Variants in TMX4 observed in about 807,000 individuals in gnomAD.
TMX4 encodes thioredoxin related transmembrane protein 4.
TMX4 carries 23 observed loss-of-function variants against 33.3 expected under a neutral mutation model. That is an observed-to-expected ratio of 0.69 (90% CI 0.50 to 0.98). TMX4 has a LOEUF of 0.98. Ranked by LOEUF, TMX4 falls within the 50% of genes least tolerant of loss-of-function variation. The probability of loss-of-function intolerance (pLI) is 0.00; values close to 1 mark genes in which losing one functional copy is unlikely to be tolerated. For synonymous variants in TMX4, 164 were observed against 161.5 expected, an observed-to-expected ratio of 1.02 and a Z score of -0.12; for missense variants, 399 against 448.9, an observed-to-expected ratio of 0.89 and a Z score of 1.01.
At chr20:7,990,489 G>A (rs1360531520) in intron 5 of TMX4, among the ~76,000 whole-genome samples, 1 of 152,180 alleles carries the variant, frequency 6.6e-6, no homozygotes, top group East Asian at 1.9e-4. Context: ...TCAGTGGTCA[G>A]ACAGACTTAA....
In TMX4 at chr20:8,012,985, T is replaced by C. The variant is rs116880619; in HGVS notation, c.177-2670A>G. ...AGTCTTTAGCATGGGAACTGGTCCA[T>C]TGTTGCTGCAGTTTTTAAAGTTTTT... On this transcript the variant is annotated intron_variant, in intron 1 of 7. Coordinates refer to ENST00000246024, the MANE Select transcript of TMX4 (RefSeq NM_021156.4). Among the ~76,000 whole-genome samples the C allele has an allele frequency of 9.3e-3, 1,421 of 152,300 alleles. 45 individuals carry two copies. Among genetic ancestry groups the C allele is most frequent in the East Asian group, 0.065 (335 of 5,186 alleles).
intron 6 of TMX4, among the ~76,000 whole-genome samples, chr20:7,985,125 A>G (rs907507818): frequency 6.6e-6 from 1 of 152,168 alleles, no homozygotes; most frequent in Non-Finnish European, 1.5e-5. Context: ...CTCACAAAAC[A>G]GAAGTTGAAA....
intron 5 of TMX4, among the ~76,000 whole-genome samples, chr20:7,991,307 A>C (rs116375090): frequency 0.011 from 1,639 of 152,362 alleles, 19 homozygotes; most frequent in Middle Eastern, 0.027. Flanking sequence ...CAGAGATTCA[A>C]CAAATCCAAT....
chr20:8,019,110 AC>A, intron 1 of TMX4: 1 of 477,514 alleles, frequency 2.1e-6, no homozygotes. Context: ...TGCCCACTCC[AC>A]CCCGAAAACA....
At chr20:8,000,123 A>AAAGCCAAG (rs1204285759) in intron 3 of TMX4, among the ~76,000 whole-genome samples, 1 of 152,190 alleles carries the variant, frequency 6.6e-6, no homozygotes, top group Non-Finnish European at 1.5e-5. Flanking sequence ...AGTGTTTAAT[A>AAAGCCAAG]TGCCAAGTTA....
Position 7,993,651 on chromosome 20 carries a change from C to T in TMX4, c.513+2375G>A, listed in dbSNP as rs141090770. Among the ~76,000 whole-genome samples the T allele has an allele frequency of 9.1e-3, 1,382 of 152,170 alleles. 18 individuals are homozygous for T. The highest frequency in any genetic ancestry group is 0.031 in the African/African-American group (1,302 of 41,518). ...TCTAGAAACACAGGTGGCAAGAGAC[C>T]TACCTACAGATCTGATGAAAGGATG... On this transcript the variant is annotated intron_variant, in intron 5 of 7. Transcript: ENST00000246024.
At chr20:8,000,809 A>C (rs889839417) in intron 3 of TMX4, among the ~76,000 whole-genome samples, 4 of 152,136 alleles carry the variant, frequency 2.6e-5, no homozygotes, top group Non-Finnish European at 5.9e-5. Context: ...AGACTTCTCC[A>C]TTTGGAACTG....
chr20:7,983,362 T>C (rs529610781), intron 7 of TMX4, among the ~76,000 whole-genome samples: 2 of 152,290 alleles, frequency 1.3e-5, no homozygotes, highest in South Asian at 2.1e-4. Context: ...GTCTCAAAAA[T>C]AGTCTGGAAT....
chr20:8,010,104 C>T, intron 2 of TMX4, 96 bp downstream of exon 2: 1 of 966,660 alleles, frequency 1.0e-6, no homozygotes, highest in Non-Finnish European at 1.6e-6. Flanking sequence ...CATGGGTAAT[C>T]AATATCCCAG....
chr20:7,993,698 A>T (rs761318373), intron 5 of TMX4, among the ~76,000 whole-genome samples: 3 of 152,170 alleles, frequency 2.0e-5, no homozygotes, highest in Non-Finnish European at 2.9e-5. Flanking sequence ...CTAAGAATAA[A>T]TCACAAAAGT....
intron 2 of TMX4, among the ~76,000 whole-genome samples, chr20:8,004,766 C>T (rs995151685): frequency 3.3e-5 from 5 of 152,210 alleles, no homozygotes; most frequent in South Asian, 2.1e-4. Flanking sequence ...ATCTATTAGC[C>T]ATTGTTGTAC....
intron 7 of TMX4, 92 bp from the exon 8 acceptor site, chr20:7,982,713 G>A (rs1225517081): frequency 9.4e-6 from 13 of 1,379,340 alleles, no homozygotes; most frequent in Non-Finnish European, 1.2e-5. Flanking sequence ...AAAAATAGAG[G>A]GTAAGTGACA....
intron 1 of TMX4, among the ~76,000 whole-genome samples, chr20:8,011,605 G>A (rs1397243564): frequency 1.3e-5 from 2 of 152,040 alleles, no homozygotes; most frequent in Non-Finnish European, 2.9e-5. Flanking sequence ...GTTAAAAAGC[G>A]AAGACTAGGG....
At chr20:7,991,656 A>G (rs1041788418) in intron 5 of TMX4, among the ~76,000 whole-genome samples, 3 of 152,236 alleles carry the variant, frequency 2.0e-5, no homozygotes, top group Admixed American at 6.5e-5. Context: ...CATTGGCTAA[A>G]AAAATTAACA....
chr20:8,008,808 A>G (rs1360877174), intron 2 of TMX4, among the ~76,000 whole-genome samples: 1 of 152,220 alleles, frequency 6.6e-6, no homozygotes, highest in African/African-American at 2.4e-5. Context: ...TTAACTTATT[A>G]TAACAGCCAA....
At chr20:7,983,878 T>C in intron 6 of TMX4, 21 bp from the exon 7 acceptor site, 3 of 1,597,490 alleles carry the variant, frequency 1.9e-6, no homozygotes, top group Non-Finnish European at 2.6e-6. Flanking sequence ...AAAAGTGATT[T>C]TACAGTGAAT....
At chr20:8,015,220 T>C (rs1490295397) in intron 1 of TMX4, among the ~76,000 whole-genome samples, 1 of 152,192 alleles carries the variant, frequency 6.6e-6, no homozygotes, top group Non-Finnish European at 1.5e-5. Flanking sequence ...GTGGAAACCA[T>C]CTAAAATCAA....
intron 4 of TMX4, among the ~76,000 whole-genome samples, chr20:7,998,387 T>A (rs1415009804): frequency 3.3e-5 from 5 of 152,144 alleles, no homozygotes; most frequent in Non-Finnish European, 5.9e-5. Flanking sequence ...TGGCCAAGCC[T>A]ACCTTCATAA....
At chr20:7,991,502 G>A (rs1197252367) in intron 5 of TMX4, among the ~76,000 whole-genome samples, 1 of 152,110 alleles carries the variant, frequency 6.6e-6, no homozygotes, top group Non-Finnish European at 1.5e-5. Context: ...AAATGCTCCA[G>A]TGAGCACTTC....
Sources: gnomAD v4.1 joint callset for allele counts (sites outside exome capture counted in the v4.1 genomes callset) on GRCh38, gnomAD v4.1.1 for gene constraint, MANE v1.5 for transcripts, NCBI Gene and HGNC (gene_info 2026-07-23, HGNC 2026-07-21) for gene names.